The following CADM2 variants were observed in gnomAD, a reference collection of about 807,000 sequenced individuals.
CADM2 encodes immunoglobulin superfamily member 4D.
Under a neutral mutation model 49.8 loss-of-function variants are expected in CADM2, and 12 were observed. The ratio of observed to expected loss-of-function variants is 0.24; its 90% CI spans 0.15 to 0.39. The LOEUF (loss-of-function observed/expected upper bound fraction) is 0.39. Ranked by LOEUF, CADM2 falls within the 10% of genes least tolerant of loss-of-function variation. CADM2 has a pLI of 1.00. For synonymous variants in CADM2, 214 were observed against 175.4 expected (o/e 1.22, Z -1.74); for missense variants, 378 against 492.3 (o/e 0.77, Z 2.20).
At chr3:85,397,474 A>G (rs1443385186) in intron 1 of CADM2, among the ~76,000 whole-genome samples, 6 of 152,196 alleles carry the variant, frequency 3.9e-5, no homozygotes, top group Non-Finnish European at 7.3e-5. Context: ...AGATGGAAAT[A>G]ACGAAAATAC....
intron 1 of CADM2, among the ~76,000 whole-genome samples, chr3:85,525,576 G>A (rs1245696083): frequency 6.6e-6 from 1 of 152,142 alleles, no homozygotes; most frequent in East Asian, 1.9e-4. Flanking sequence ...AGTTAGTTAG[G>A]TCCTGATTTT....
chr3:85,585,807 T>G (rs1157615057), intron 1 of CADM2, among the ~76,000 whole-genome samples: 1 of 152,020 alleles, frequency 6.6e-6, no homozygotes, highest in Non-Finnish European at 1.5e-5. Context: ...ACGTAAGTTG[T>G]TTTAGCCAGC....
intron 1 of CADM2, among the ~76,000 whole-genome samples, chr3:85,707,359 G>T (rs1218608608): frequency 6.8e-6 from 1 of 146,104 alleles, no homozygotes; most frequent in African/African-American, 2.5e-5. Context: ...GGACTTCCCA[G>T]TGCTAGTTTT....
chr3:85,537,545 A>C (rs1171437950), intron 1 of CADM2, among the ~76,000 whole-genome samples: 1 of 151,972 alleles, frequency 6.6e-6, no homozygotes, highest in Non-Finnish European at 1.5e-5. Context: ...TGTTAATATG[A>C]GAAGAAAATG....
chr3:84,986,371 G>A (rs1486086223), intron 1 of CADM2, among the ~76,000 whole-genome samples: 2 of 152,090 alleles, frequency 1.3e-5, no homozygotes, highest in Non-Finnish European at 2.9e-5. Flanking sequence ...TGAATGCAGA[G>A]CAATTGCCTC....
intron 1 of CADM2, among the ~76,000 whole-genome samples, chr3:85,186,251 C>G (rs1342672309): frequency 2.0e-5 from 3 of 152,050 alleles, no homozygotes; most frequent in African/African-American, 7.2e-5. Flanking sequence ...AATTATCAAG[C>G]CTTGGGCATC....
At chr3:85,984,333 G>A (rs964413457) in intron 8 of CADM2, among the ~76,000 whole-genome samples, 28 of 151,014 alleles carry the variant, frequency 1.9e-4, no homozygotes, top group Non-Finnish European at 3.7e-4. Flanking sequence ...AGCATGGAAT[G>A]TTTAATTTAA....
intron 1 of CADM2, among the ~76,000 whole-genome samples, chr3:85,551,593 G>A (rs1655857729): frequency 6.6e-6 from 1 of 152,124 alleles, no homozygotes. Context: ...TCAAAAATCA[G>A]TTAAAGGGTT....
chr3:85,765,422 T>C (rs1414329413), intron 2 of CADM2, among the ~76,000 whole-genome samples: 1 of 152,086 alleles, frequency 6.6e-6, no homozygotes, highest in Non-Finnish European at 1.5e-5. Context: ...TTTTTAGTTA[T>C]TACAGCCAGA....
intron 1 of CADM2, among the ~76,000 whole-genome samples, chr3:85,165,921 A>T (rs2040459686): frequency 6.6e-6 from 1 of 151,730 alleles, no homozygotes; most frequent in Non-Finnish European, 1.5e-5. Context: ...CTATATTATA[A>T]AATAAAGAAA....
chr3:85,647,547 T>G (rs1374784478), intron 1 of CADM2, among the ~76,000 whole-genome samples: 1 of 151,806 alleles, frequency 6.6e-6, no homozygotes, highest in Non-Finnish European at 1.5e-5. Flanking sequence ...TTGTGAAATT[T>G]TTTTGCATAG....
intron 8 of CADM2, chr3:86,014,116 G>C (rs1261978710): frequency 3.7e-5 from 48 of 1,284,294 alleles, no homozygotes; most frequent in Non-Finnish European, 4.9e-5. Context: ...CATTTTCAGT[G>C]GACACGCAGG....
chr3:85,511,440 T>C (rs1362382176), intron 1 of CADM2, among the ~76,000 whole-genome samples: 1 of 152,004 alleles, frequency 6.6e-6, no homozygotes, highest in East Asian at 1.9e-4. Context: ...TTTTTTAAAA[T>C]TTTTCAGGAA....
At chr3:85,838,045 G>A (rs868418186) in intron 3 of CADM2, among the ~76,000 whole-genome samples, 1 of 151,620 alleles carries the variant, frequency 6.6e-6, no homozygotes. Context: ...TATCTTCAAT[G>A]TTTGTTTGTT....
At chr3:85,935,732 TTTAA>T (rs767866680) in intron 6 of CADM2, 31 bp from the exon 7 acceptor site, 17 of 1,249,112 alleles carry the variant, frequency 1.4e-5, no homozygotes, top group Non-Finnish European at 1.8e-5. Context: ...TTTGTATGTG[TTTAA>T]TTACCTTTCT....
chr3:85,428,574 C>A (rs1302508745), intron 1 of CADM2, among the ~76,000 whole-genome samples: 2 of 141,072 alleles, frequency 1.4e-5, no homozygotes, highest in Non-Finnish European at 1.5e-5. Flanking sequence ...ATGATATATA[C>A]ATTATACAAA....
At chr3:85,586,293 A>T (rs1315991423) in intron 1 of CADM2, among the ~76,000 whole-genome samples, 1 of 152,058 alleles carries the variant, frequency 6.6e-6, no homozygotes. Flanking sequence ...CTTTCCATTT[A>T]TCCAGGATAA....
chr3:85,651,765 C>T (rs1458325805), intron 1 of CADM2, among the ~76,000 whole-genome samples: 2 of 151,842 alleles, frequency 1.3e-5, no homozygotes, highest in African/African-American at 4.8e-5. Context: ...GTTTACAATA[C>T]ATAATCTTAG....
At position 85,194,876 on chromosome 3, in the gene CADM2, A is replaced by T. The variant is rs148376847; in HGVS notation, c.61+235208A>T. 1.5e-3 allele frequency among the ~76,000 whole-genome samples: 234 copies of T among 152,150 alleles called. 2 individuals are homozygous for T. The highest frequency in any genetic ancestry group is 3.9e-3 in the Admixed American group (60 of 15,240). ...TTAGAATCAACAAATATTAAAAAAA[A>T]ATCTTGAAATAGAAGTAGTTCCAGA... On this transcript the variant is annotated intron_variant, in intron 1 of 9. Transcript: ENST00000383699.
Sources: allele counts gnomAD v4.1 joint callset (sites outside exome capture counted in the v4.1 genomes callset), GRCh38; gene constraint gnomAD v4.1.1; transcripts MANE v1.5; gene names NCBI Gene and HGNC (gene_info 2026-07-23, HGNC 2026-07-21).